Variants in DLG2 observed in about 807,000 individuals in gnomAD.
DLG2 encodes disks large homolog 2.
Under a neutral mutation model 132.5 loss-of-function variants are expected in DLG2, and 45 were observed. That is an observed-to-expected ratio of 0.34 (90% CI 0.27 to 0.44). The LOEUF (loss-of-function observed/expected upper bound fraction) is 0.44. DLG2 is among the 20% of genes least tolerant of loss of function. The probability of loss-of-function intolerance (pLI) is 1.00; values close to 1 mark genes in which losing one functional copy is unlikely to be tolerated. For synonymous variants in DLG2, 424 were observed against 419.6 expected (o/e 1.01, Z -0.13); for missense variants, 1,045 against 1,196.9 (o/e 0.87, Z 1.87).
intron 18 of DLG2, among the ~76,000 whole-genome samples, chr11:83,750,989 C>A (rs536878838): frequency 3.3e-5 from 5 of 152,288 alleles, no homozygotes; most frequent in Non-Finnish European, 7.3e-5. Flanking sequence ...TCTGTCCTCA[C>A]TGAACTTCTC....
At chr11:85,353,879 C>T (rs2083484187) in intron 3 of DLG2, among the ~76,000 whole-genome samples, 1 of 151,912 alleles carries the variant, frequency 6.6e-6, no homozygotes, top group Admixed American at 6.6e-5. Flanking sequence ...ATGAAAAATA[C>T]CTAACGTAAA....
chr11:84,696,280 C>T (rs1279030101), intron 6 of DLG2, among the ~76,000 whole-genome samples: 2 of 151,454 alleles, frequency 1.3e-5, no homozygotes, highest in Admixed American at 6.6e-5. Context: ...CTGTGCTAAG[C>T]ACTTATGTAT....
At chr11:84,066,611 A>G (rs2096676809) in intron 10 of DLG2, among the ~76,000 whole-genome samples, 1 of 152,164 alleles carries the variant, frequency 6.6e-6, no homozygotes, top group Non-Finnish European at 1.5e-5. Context: ...AATACAAAAA[A>G]TTAGCCACGC....
At chr11:83,863,638 C>T (rs936096548) in intron 16 of DLG2, among the ~76,000 whole-genome samples, 3 of 150,908 alleles carry the variant, frequency 2.0e-5, no homozygotes, top group Admixed American at 2.0e-4. Flanking sequence ...TATGGTAGGC[C>T]ATTTATAGAC....
At chr11:84,342,854 T>C (rs1440948885) in intron 7 of DLG2, among the ~76,000 whole-genome samples, 1 of 152,152 alleles carries the variant, frequency 6.6e-6, no homozygotes, top group Non-Finnish European at 1.5e-5. Flanking sequence ...ATGCTAATAA[T>C]AAAGCCACAC....
intron 7 of DLG2, among the ~76,000 whole-genome samples, chr11:84,373,268 A>AAAAAAAAAAAAAAAAAAAC (rs1567449347): frequency 4.4e-5 from 6 of 135,742 alleles, no homozygotes; most frequent in Non-Finnish European, 7.7e-5. Context: ...AAAAAAACAA[A>AAAAAAAAAAAAAAAAAAAC]ACAAAAAAAA....
intron 7 of DLG2, among the ~76,000 whole-genome samples, chr11:84,526,771 G>A (rs2099321807): frequency 6.6e-6 from 1 of 150,626 alleles, no homozygotes; most frequent in East Asian, 1.9e-4. Context: ...CATCCACTGG[G>A]GGTGTTTTTT....
chr11:85,566,433 G>A (rs1303866235), intron 3 of DLG2, among the ~76,000 whole-genome samples: 1 of 151,974 alleles, frequency 6.6e-6, no homozygotes. Flanking sequence ...AGTCAATCTG[G>A]GCTGCTATAG....
intron 11 of DLG2, among the ~76,000 whole-genome samples, chr11:84,036,587 T>C (rs942887434): frequency 6.6e-6 from 1 of 152,108 alleles, no homozygotes; most frequent in Non-Finnish European, 1.5e-5. Context: ...TTTCTCACAA[T>C]TATGTTTTCT....
At chr11:83,997,080 G>A (rs544954428) in intron 11 of DLG2, among the ~76,000 whole-genome samples, 8 of 149,164 alleles carry the variant, frequency 5.4e-5, no homozygotes, top group East Asian at 2.0e-4. Flanking sequence ...CATGTACCCC[G>A]TAAATATATA....
chr11:85,483,012 A>T (rs553278413), intron 3 of DLG2, among the ~76,000 whole-genome samples: 1 of 152,364 alleles, frequency 6.6e-6, no homozygotes, highest in East Asian at 1.9e-4. Flanking sequence ...TAAAGGAGAA[A>T]AGAAAGAGAA....
At chr11:84,298,441 C>T (rs1290142911) in intron 7 of DLG2, among the ~76,000 whole-genome samples, 2 of 152,116 alleles carry the variant, frequency 1.3e-5, no homozygotes, top group African/African-American at 2.4e-5. Context: ...CCTAAAGAAG[C>T]CCCTTGCGAC....
chr11:85,057,737 G>T (rs1429160183), intron 6 of DLG2, among the ~76,000 whole-genome samples: 1 of 150,530 alleles, frequency 6.6e-6, no homozygotes, highest in East Asian at 1.9e-4. Context: ...TCATTAGCAT[G>T]AAAGCAAAAA....
chr11:83,858,941 T>C (rs116011990), intron 16 of DLG2, among the ~76,000 whole-genome samples: 101 of 152,300 alleles, frequency 6.6e-4, no homozygotes, highest in African/African-American at 1.2e-3. Context: ...AACTCTGATA[T>C]GGTTTGGCCG....
At chr11:84,657,409 C>T (rs192371836) in intron 6 of DLG2, among the ~76,000 whole-genome samples, 1 of 152,084 alleles carries the variant, frequency 6.6e-6, no homozygotes, top group Non-Finnish European at 1.5e-5. Context: ...TGCCTCCCTG[C>T]CCCTAGAACA....
chr11:85,078,599 C>A (rs537241873), intron 6 of DLG2, among the ~76,000 whole-genome samples: 1 of 151,940 alleles, frequency 6.6e-6, no homozygotes, highest in Non-Finnish European at 1.5e-5. Context: ...ACTGAAATAA[C>A]CTTTCCTGTA....
intron 4 of DLG2, among the ~76,000 whole-genome samples, chr11:85,225,936 T>G (rs1178633104): frequency 1.3e-5 from 2 of 152,072 alleles, no homozygotes; most frequent in Non-Finnish European, 2.9e-5. Context: ...CCATGGAACT[T>G]GTTCCTTCTC....
At chr11:84,479,908 A>C (rs2154493025) in intron 7 of DLG2, among the ~76,000 whole-genome samples, 1 of 152,274 alleles carries the variant, frequency 6.6e-6, no homozygotes, top group Middle Eastern at 3.4e-3. Flanking sequence ...GAAGCAAGAT[A>C]TTGGCACTTA....
At chr11:85,060,871 T>G (rs1357775420) in intron 6 of DLG2, among the ~76,000 whole-genome samples, 3 of 149,972 alleles carry the variant, frequency 2.0e-5, no homozygotes, top group Admixed American at 6.7e-5. Flanking sequence ...TTTTTTGTTG[T>G]TTTTTTTTGT....
Sources: gnomAD v4.1 joint callset for allele counts (sites outside exome capture counted in the v4.1 genomes callset) on GRCh38, gnomAD v4.1.1 for gene constraint, MANE v1.5 for transcripts, NCBI Gene and HGNC (gene_info 2026-07-23, HGNC 2026-07-21) for gene names.